Variants in HAT1 observed in about 807,000 individuals in gnomAD.
HAT1 encodes the protein histone acetyltransferase 1, also known as histone acetyltransferase type B catalytic subunit.
In HAT1, 20 loss-of-function variants were observed where a neutral mutation model predicts 56.6. The observed-to-expected ratio is 0.35, with a 90% CI of 0.25 to 0.51. HAT1 has a LOEUF of 0.51. Among genes scored for constraint, HAT1 ranks in the 20% least tolerant of loss-of-function variants. HAT1 has a pLI of 0.95. For synonymous variants in HAT1, 146 were observed against 165.5 expected, an observed-to-expected ratio of 0.88 and a Z score of 0.91; for missense variants, 408 against 504.3, an observed-to-expected ratio of 0.81 and a Z score of 1.83.
rs1282960042 is a variant in HAT1, at chr2:171,965,095, A to C, written c.310-243A>C. 7.0e-6 allele frequency: 3 copies of C among 428,242 alleles called. No homozygotes were observed. The East Asian group carries it at 1.2e-4, about 18-fold the overall frequency. The allele number at this position is 428,242 out of a possible 1,614,324, so 26.5% of individuals were successfully genotyped here. ...AAATGTCCATAGCATTGCCCTTATT[A>C]TTGTACTTGGTATCAGGTCACCTGC... On this transcript the variant is annotated intron_variant, in intron 4 of 10. Coordinates refer to ENST00000264108, the MANE Select transcript of HAT1 (RefSeq NM_003642.4).
At chr2:171,957,375 A>T (rs1574054703) in intron 4 of HAT1, among the ~76,000 whole-genome samples, 1 of 152,032 alleles carries the variant, frequency 6.6e-6, no homozygotes, top group Admixed American at 6.6e-5. Context: ...TCTTCCTTCC[A>T]TTTCCTTTTC....
chr2:171,977,290 T>C (rs866994952), intron 9 of HAT1, among the ~76,000 whole-genome samples: 87 of 150,888 alleles, frequency 5.8e-4, no homozygotes, highest in African/African-American at 1.9e-3. Context: ...GGTGAAACCA[T>C]GTCTCTACTA....
intron 2 of HAT1, among the ~76,000 whole-genome samples, chr2:171,936,445 A>G (rs1686875337): frequency 6.6e-6 from 1 of 152,168 alleles, no homozygotes; most frequent in Non-Finnish European, 1.5e-5. Flanking sequence ...GGGGATATGG[A>G]GAATTTTGGT....
intron 2 of HAT1, among the ~76,000 whole-genome samples, chr2:171,943,214 C>T (rs1479354393): frequency 1.3e-5 from 2 of 151,008 alleles, no homozygotes; most frequent in East Asian, 3.9e-4. Flanking sequence ...CCAGCCTGGC[C>T]AACATGGTGA....
chr2:171,949,667 C>CT (rs1204209384), intron 3 of HAT1, among the ~76,000 whole-genome samples: 1 of 145,512 alleles, frequency 6.9e-6, no homozygotes, highest in Non-Finnish European at 1.5e-5. Context: ...GAGTGAGACT[C>CT]TGTCTCAAAA....
chr2:171,949,157 C>CTCT (rs1015926614), intron 3 of HAT1, among the ~76,000 whole-genome samples: 1 of 151,974 alleles, frequency 6.6e-6, no homozygotes, highest in Admixed American at 6.6e-5. Flanking sequence ...TAAGAAAGAG[C>CTCT]TCTTCTTCTT....
At chr2:171,949,043 A>T (rs1421395187) in intron 3 of HAT1, among the ~76,000 whole-genome samples, 1 of 152,212 alleles carries the variant, frequency 6.6e-6, no homozygotes, top group Non-Finnish European at 1.5e-5. Flanking sequence ...AGAAGCATCC[A>T]TTAATGATTC....
At chr2:171,960,390 C>A (rs79512529) in intron 4 of HAT1, among the ~76,000 whole-genome samples, 149,715 of 152,298 alleles carry the variant, frequency 0.98, 73,652 homozygotes, top group Middle Eastern at 1. Flanking sequence ...TAAGTGGAAA[C>A]AATAAAAAAA....
chr2:171,953,021 T>C lies in HAT1; in HGVS notation c.309+20T>C. On this transcript the variant is annotated intron_variant, in intron 4 of 10. Coordinates refer to ENST00000264108, the MANE Select transcript of HAT1 (RefSeq NM_003642.4). ...GTAGAGGTAAGAACAGAAATACTTT[T>C]TAAACTGTTTTCCAATTTAATTTAT... 6.5e-7 allele frequency: 1 copy of C among 1,530,150 alleles called. No individual in the cohort carries two copies. Among genetic ancestry groups the C allele is most frequent in the Non-Finnish European group, 8.9e-7 (1 of 1,122,372 alleles). The allele number at this position is 1,530,150 out of a possible 1,614,324, so 94.8% of individuals were successfully genotyped here. A position where few individuals can be genotyped will look rare whatever the true frequency, so the allele number is the denominator to read the frequency against.
intron 3 of HAT1, among the ~76,000 whole-genome samples, chr2:171,947,857 C>T (rs1444686852): frequency 2.0e-5 from 3 of 152,060 alleles, no homozygotes; most frequent in East Asian, 1.9e-4. Context: ...CCAGCCTGTG[C>T]GACAGAGCGA....
intron 8 of HAT1, among the ~76,000 whole-genome samples, chr2:171,967,575 T>C (rs1006455002): frequency 3.3e-5 from 5 of 152,102 alleles, no homozygotes; most frequent in African/African-American, 4.8e-5. Flanking sequence ...GAAGGCATTA[T>C]TAGATGGAGT....
chr2:171,927,134 A>G (rs183457632), intron 2 of HAT1, among the ~76,000 whole-genome samples: 1 of 152,362 alleles, frequency 6.6e-6, no homozygotes, highest in African/African-American at 2.4e-5. Flanking sequence ...AGTGGAGCGC[A>G]GAGTAACTAC....
At chr2:171,981,169 A>C (rs1181922950) in intron 10 of HAT1, among the ~76,000 whole-genome samples, 1 of 152,094 alleles carries the variant, frequency 6.6e-6, no homozygotes, top group African/African-American at 2.4e-5. Flanking sequence ...ATTCCATCTC[A>C]AAAAAGAAGA....
chr2:171,951,022 G>A (rs1472701572), intron 3 of HAT1, among the ~76,000 whole-genome samples: 1 of 152,114 alleles, frequency 6.6e-6, no homozygotes, highest in Admixed American at 6.5e-5. Flanking sequence ...TGTTGGCCAG[G>A]CTGGTGTCGA....
chr2:171,975,630 T>C (rs1687941683), intron 8 of HAT1, among the ~76,000 whole-genome samples: 1 of 152,228 alleles, frequency 6.6e-6, no homozygotes. Flanking sequence ...ATCTAAATTG[T>C]CTCATTTGTT....
chr2:171,979,765 C>T, intron 10 of HAT1: 1 of 157,084 alleles, frequency 6.4e-6, no homozygotes, highest in Non-Finnish European at 1.4e-5. Flanking sequence ...CAAGATTGCA[C>T]CATTGCACTC....
Position 171,977,541 on chromosome 2 carries a change from ATATATATATATATATATTTTTTTTTTTTT to A in HAT1, c.975+1235_975+1263del, listed in dbSNP as rs1231616274. On this transcript the variant is annotated intron_variant, in intron 9 of 10. Transcript: ENST00000264108. ...GGCATATGAATATATATATATATAT[ATATATATATATATATATTTTTTTTTTTTT>A]TTTTTTTTTAATGGTGCTTTCTTAA... Among the ~76,000 whole-genome samples the A allele has an allele frequency of 1.4e-3, 63 of 43,796 alleles. 1 individual carries two copies. The highest frequency in any genetic ancestry group is 3.8e-3 in the African/African-American group (57 of 14,914). The allele number at this position is 43,796 out of a possible 152,430, so 28.7% of individuals were successfully genotyped here. A position where few individuals can be genotyped will look rare whatever the true frequency, so the allele number is the denominator to read the frequency against.
At position 171,966,445 on chromosome 2, in the gene HAT1, T is replaced by G. The variant is rs751568058; in HGVS notation, c.648T>G (p.Phe216Leu). ...EKYNKDGATL[F>L]ATVGYMTVYN... ...ATAATAAGGATGGAGCTACGCTCTTTGCGACCGTAGGCTACATGACAGTCT... is the reference window on the plus strand; with the variant it reads ...ATAATAAGGATGGAGCTACGCTCTTGGCGACCGTAGGCTACATGACAGTCT... Residue 216 changes from phenylalanine (F) to leucine (L), a missense_variant, in exon 7 of 11, where the codon TTT becomes TTG. Phe to Leu is a conservative substitution (Grantham distance 22). Transcript: ENST00000264108. 8.1e-6 allele frequency: 13 copies of G among 1,601,526 alleles called. No individual in the cohort carries two copies. The highest frequency in any genetic ancestry group is 1.7e-5 in the Admixed American group (1 of 59,992).
intron 9 of HAT1, among the ~76,000 whole-genome samples, chr2:171,977,411 G>A (rs552891035): frequency 2.0e-5 from 3 of 147,604 alleles, no homozygotes; most frequent in African/African-American, 7.4e-5. Context: ...GCAGTGAGCC[G>A]AGATCATGCC....
Sources: gnomAD v4.1 joint callset for allele counts (sites outside exome capture counted in the v4.1 genomes callset) on GRCh38, gnomAD v4.1.1 for gene constraint, MANE v1.5 for transcripts, NCBI Gene and HGNC (gene_info 2026-07-23, HGNC 2026-07-21) for gene names.